The following ARHGAP42 variants were observed in gnomAD, a reference collection of about 807,000 sequenced individuals.
ARHGAP42 encodes Rho GTPase activating protein 42, also known as rho GTPase-activating protein 42.
Under a neutral mutation model 125.0 loss-of-function variants are expected in ARHGAP42, and 63 were observed. The observed-to-expected ratio is 0.50, with a 90% confidence interval of 0.41 to 0.62. The LOEUF is 0.62. Among genes scored for constraint, ARHGAP42 ranks in the 20% least tolerant of loss-of-function variants. The probability of loss-of-function intolerance (pLI) is 0.00; values close to 1 mark genes in which losing one functional copy is unlikely to be tolerated. For missense variants in ARHGAP42, 766 were observed against 1,024.2 expected (o/e 0.75, Z 3.44); for synonymous variants, 339 against 351.0 (o/e 0.97, Z 0.38).
At chr11:100,815,002 T>C (rs977001904) in intron 3 of ARHGAP42, among the ~76,000 whole-genome samples, 32 of 152,248 alleles carry the variant, frequency 2.1e-4, no homozygotes, top group African/African-American at 7.7e-4. Flanking sequence ...GGCCTCATGG[T>C]GGACACTTCC....
chr11:100,867,749 G>C (rs968058500), intron 4 of ARHGAP42, among the ~76,000 whole-genome samples: 1 of 152,202 alleles, frequency 6.6e-6, no homozygotes, highest in Non-Finnish European at 1.5e-5. Context: ...AAGAGGATTA[G>C]CTCTTAGCCT....
chr11:100,688,561 G>C (rs1861130525), intron 1 of ARHGAP42, among the ~76,000 whole-genome samples: 2 of 152,178 alleles, frequency 1.3e-5, no homozygotes, highest in African/African-American at 4.8e-5. Flanking sequence ...TACACCTCTT[G>C]ATCAAATTTT....
At chr11:100,818,706 A>C (rs1347729732) in intron 3 of ARHGAP42, among the ~76,000 whole-genome samples, 1 of 152,166 alleles carries the variant, frequency 6.6e-6, no homozygotes, top group East Asian at 1.9e-4. Context: ...TGAAAGGCAT[A>C]CTGGTACCTT....
intron 1 of ARHGAP42, among the ~76,000 whole-genome samples, chr11:100,761,010 G>A (rs1408663167): frequency 6.6e-6 from 1 of 152,096 alleles, no homozygotes; most frequent in African/African-American, 2.4e-5. Context: ...CTGGGGCAGT[G>A]GTATGGGTGG....
In ARHGAP42 at chr11:100,974,566, C is replaced by T; in HGVS notation, c.1818C>T (p.Pro606=). Residue 606 remains proline, a synonymous_variant, in exon 19 of 24, where the codon CCC becomes CCT. Transcript: ENST00000298815. ...AICLSTGSRK[P]RGRYTPCLAE... Reference sequence around the variant, plus strand: ...GCCTCTCTACAGGGTCTAGGAAGCCCAGAGGGAGGTATACTCCATGCCTGG... The same window carrying T: ...GCCTCTCTACAGGGTCTAGGAAGCCTAGAGGGAGGTATACTCCATGCCTGG... 5 of 1,551,044 alleles carry T rather than the reference C, an allele frequency of 3.2e-6. No homozygotes were observed. The highest frequency in any genetic ancestry group is 4.4e-6 in the Non-Finnish European group (5 of 1,146,564).
intron 13 of ARHGAP42, among the ~76,000 whole-genome samples, chr11:100,960,570 G>A (rs749130722): frequency 1.4e-3 from 210 of 152,108 alleles, no homozygotes; most frequent in Non-Finnish European, 1.2e-3. Flanking sequence ...AATGCCATAG[G>A]ACTTTTCAAC....
At chr11:100,940,717 C>G (rs1432456870) in intron 8 of ARHGAP42, among the ~76,000 whole-genome samples, 1 of 152,092 alleles carries the variant, frequency 6.6e-6, no homozygotes, top group Non-Finnish European at 1.5e-5. Context: ...GGAAATAACT[C>G]TAAGGTCAGT....
rs1865777275 is a variant in ARHGAP42 at position 100,874,985 on chromosome 11, TG to T, written c.384+15361del. 2.0e-5 allele frequency among the ~76,000 whole-genome samples: 3 copies of T among 151,994 alleles called. No homozygotes were observed. The South Asian group carries it at 6.2e-4, about 32-fold the overall frequency. On this transcript the variant is annotated intron_variant, in intron 4 of 23. Coordinates refer to ENST00000298815, the MANE Select transcript of ARHGAP42 (RefSeq NM_152432.4). ...GAGTTTTCTACCCTGCAGTTAAGGG[TG>T]ATTTTTGTTTCCATCCTGATTTGCA...
intron 1 of ARHGAP42, among the ~76,000 whole-genome samples, chr11:100,756,126 C>G (rs1233189965): frequency 6.8e-6 from 1 of 146,864 alleles, no homozygotes; most frequent in Non-Finnish European, 1.5e-5. Context: ...TGGGTCATGC[C>G]TGTAATCTCA....
chr11:100,804,059 T>G (rs1387024017), intron 3 of ARHGAP42, among the ~76,000 whole-genome samples: 1 of 152,212 alleles, frequency 6.6e-6, no homozygotes, highest in African/African-American at 2.4e-5. Flanking sequence ...AGCCTTGGAT[T>G]CTTAGGCTCA....
intron 12 of ARHGAP42, among the ~76,000 whole-genome samples, chr11:100,952,832 A>G (rs576744822): frequency 2.7e-4 from 39 of 147,028 alleles, no homozygotes; most frequent in South Asian, 1.1e-3. Context: ...GGTTCAAGCA[A>G]TTCTCCTACC....
chr11:100,914,816 T>G (rs1261671991), intron 5 of ARHGAP42, among the ~76,000 whole-genome samples: 1 of 152,172 alleles, frequency 6.6e-6, no homozygotes, highest in Non-Finnish European at 1.5e-5. Flanking sequence ...ATTCCTTTTC[T>G]TATTTCTCCT....
At chr11:100,812,530 C>T (rs778254986) in intron 3 of ARHGAP42, among the ~76,000 whole-genome samples, 7 of 152,110 alleles carry the variant, frequency 4.6e-5, no homozygotes, top group Non-Finnish European at 7.4e-5. Context: ...GGATAGGTAG[C>T]AGAGGGGGCT....
intron 6 of ARHGAP42, among the ~76,000 whole-genome samples, chr11:100,928,613 T>C (rs946457561): frequency 1.3e-5 from 2 of 151,908 alleles, no homozygotes; most frequent in East Asian, 3.9e-4. Context: ...GTCATAAAGA[T>C]ACAATTCACA....
chr11:100,887,450 A>G (rs1866119262), intron 4 of ARHGAP42, among the ~76,000 whole-genome samples: 1 of 152,162 alleles, frequency 6.6e-6, no homozygotes, highest in African/African-American at 2.4e-5. Flanking sequence ...TATCTAAACT[A>G]CTTGAATCAA....
intron 3 of ARHGAP42, among the ~76,000 whole-genome samples, chr11:100,799,325 C>T (rs187029674): frequency 6.6e-5 from 10 of 152,272 alleles, no homozygotes; most frequent in Admixed American, 6.5e-4. Context: ...GCAGTGTGAC[C>T]TGTACTACTA....
intron 2 of ARHGAP42, among the ~76,000 whole-genome samples, chr11:100,793,439 T>G (rs2135029828): frequency 6.6e-6 from 1 of 152,342 alleles, no homozygotes; most frequent in Non-Finnish European, 1.5e-5. Context: ...GTTTATTAGA[T>G]TATCCTGAGT....
intron 3 of ARHGAP42, among the ~76,000 whole-genome samples, chr11:100,828,228 G>T (rs1477628424): frequency 6.6e-6 from 1 of 151,490 alleles, no homozygotes; most frequent in African/African-American, 2.4e-5. Context: ...TTCCTTTTGT[G>T]TTACACCCTT....
At chr11:100,722,257 CTGTT>C (rs1462464452) in intron 1 of ARHGAP42, among the ~76,000 whole-genome samples, 4 of 152,118 alleles carry the variant, frequency 2.6e-5, no homozygotes, top group Admixed American at 2.0e-4. Flanking sequence ...GGTGAGTTGT[CTGTT>C]CAGATCTTTT....
Sources: gnomAD v4.1 joint callset for allele counts (sites outside exome capture counted in the v4.1 genomes callset) on GRCh38, gnomAD v4.1.1 for gene constraint, MANE v1.5 for transcripts, NCBI Gene and HGNC (gene_info 2026-07-23, HGNC 2026-07-21) for gene names.